Variants in MCPH1 observed in about 807,000 individuals in gnomAD.
MCPH1 encodes the protein microcephalin 1, also known as microcephalin.
Under a neutral mutation model 84.5 loss-of-function variants are expected in MCPH1, and 104 were observed. That is an observed-to-expected ratio of 1.23 (90% CI 1.05 to 1.45). The LOEUF (loss-of-function observed/expected upper bound fraction) is 1.45, where lower values mean the gene tolerates loss of function less well. Ranked by LOEUF, MCPH1 falls within the 40% of genes most tolerant of loss-of-function variation. The pLI is 0.00. For synonymous variants in MCPH1, 514 were observed against 366.8 expected, an observed-to-expected ratio of 1.40 and a Z score of -4.58; for missense variants, 1,498 against 1,005.7, an observed-to-expected ratio of 1.49 and a Z score of -6.62.
intron 11 of MCPH1, among the ~76,000 whole-genome samples, chr8:6,487,659 A>G (rs755939358): frequency 1.3e-5 from 2 of 152,218 alleles, no homozygotes; most frequent in African/African-American, 2.4e-5. Context: ...GGTGCCCTTC[A>G]GGTCTCTCTG....
intron 12 of MCPH1, among the ~76,000 whole-genome samples, chr8:6,543,093 A>AC (rs1047509349): frequency 1.7e-4 from 26 of 150,978 alleles, no homozygotes; most frequent in African/African-American, 6.3e-4. Flanking sequence ...CTGGACAGAA[A>AC]CCCCCGCAAC....
chr8:6,414,048 C>T (rs1798903979), intron 2 of MCPH1, among the ~76,000 whole-genome samples: 1 of 152,180 alleles, frequency 6.6e-6, no homozygotes, highest in African/African-American at 2.4e-5. Context: ...CCACCACACC[C>T]AGTTTCCTTT....
intron 8 of MCPH1, among the ~76,000 whole-genome samples, chr8:6,453,819 G>T (rs948436619): frequency 5.3e-5 from 8 of 152,178 alleles, no homozygotes; most frequent in African/African-American, 1.7e-4. Flanking sequence ...GATACCTGAG[G>T]AGGTACGGGA....
At chr8:6,642,743 A>G in intron 13 of MCPH1, 1 of 549,750 alleles carries the variant, frequency 1.8e-6, no homozygotes, top group Non-Finnish European at 3.3e-6. Context: ...CCCTGCATCT[A>G]ATGGGACATG....
At chr8:6,488,526 C>T (rs1167567450) in intron 11 of MCPH1, among the ~76,000 whole-genome samples, 1 of 152,146 alleles carries the variant, frequency 6.6e-6, no homozygotes, top group Admixed American at 6.5e-5. Context: ...TCACCATTTT[C>T]AAATTTTTAC....
At chr8:6,552,560 A>G (rs920318156) in intron 12 of MCPH1, among the ~76,000 whole-genome samples, 11 of 152,352 alleles carry the variant, frequency 7.2e-5, no homozygotes, top group African/African-American at 2.4e-4. Context: ...TGTGAGATAT[A>G]GTATAGATCT....
intron 3 of MCPH1, among the ~76,000 whole-genome samples, chr8:6,415,748 A>G (rs749900453): frequency 1.1e-4 from 16 of 152,110 alleles, no homozygotes; most frequent in Admixed American, 6.5e-4. Context: ...TTGTTTGGCT[A>G]TTTTGATTTG....
chr8:6,483,139 G>A (rs12680048), intron 11 of MCPH1, among the ~76,000 whole-genome samples: 16,058 of 152,178 alleles, frequency 0.11, 943 homozygotes, highest in East Asian at 0.2. Context: ...CAGGATCTGT[G>A]TGCTGAAAAC....
intron 12 of MCPH1, among the ~76,000 whole-genome samples, chr8:6,523,465 C>T (rs936992106): frequency 6.6e-6 from 1 of 152,148 alleles, no homozygotes; most frequent in Admixed American, 6.5e-5. Context: ...AAAAATAGTT[C>T]CTGTCCATTA....
chr8:6,572,480 G>T (rs969197476), intron 12 of MCPH1, among the ~76,000 whole-genome samples: 3 of 152,158 alleles, frequency 2.0e-5, no homozygotes, highest in African/African-American at 7.2e-5. Context: ...GGAAATGATA[G>T]GTAATTTAGG....
chr8:6,512,625 C>T (rs1396927868), intron 12 of MCPH1, among the ~76,000 whole-genome samples: 1 of 152,180 alleles, frequency 6.6e-6, no homozygotes, highest in Admixed American at 6.5e-5. Flanking sequence ...TTTCGGAGTG[C>T]CTCTATGTGC....
At chr8:6,428,985 G>A (rs1375091132) in intron 3 of MCPH1, among the ~76,000 whole-genome samples, 1 of 152,180 alleles carries the variant, frequency 6.6e-6, no homozygotes, top group African/African-American at 2.4e-5. Flanking sequence ...TTTCTGATAG[G>A]GAAGTGAGAA....
chr8:6,458,054 A>T (rs2515578), intron 9 of MCPH1, among the ~76,000 whole-genome samples: 146,173 of 152,288 alleles, frequency 0.96, 70,435 homozygotes, highest in East Asian at 1. Context: ...TGGAAACTAC[A>T]GCCTTGGGAC....
At chr8:6,483,555 A>C (rs1338435018) in intron 11 of MCPH1, among the ~76,000 whole-genome samples, 2 of 152,200 alleles carry the variant, frequency 1.3e-5, no homozygotes, top group Admixed American at 6.5e-5. Flanking sequence ...TCAGTGGAGA[A>C]ATTCAGTCTT....
chr8:6,540,422 C>A (rs1821330924), intron 12 of MCPH1, among the ~76,000 whole-genome samples: 1 of 152,164 alleles, frequency 6.6e-6, no homozygotes, highest in Non-Finnish European at 1.5e-5. Context: ...TTGGGCATTT[C>A]ATATGCAAAA....
intron 9 of MCPH1, among the ~76,000 whole-genome samples, chr8:6,456,412 G>C (rs2920669): frequency 0.29 from 43,623 of 152,062 alleles, 8,755 homozygotes; most frequent in African/African-American, 0.57. Flanking sequence ...TTGCGTCCCA[G>C]TTTCTCAGTC....
intron 13 of MCPH1, among the ~76,000 whole-genome samples, chr8:6,636,583 G>A (rs867500056): frequency 2.0e-5 from 3 of 152,160 alleles, no homozygotes; most frequent in Admixed American, 6.5e-5. Context: ...GGCCTCAAGC[G>A]ATCTTCCCAC....
At chr8:6,472,990 G>A (rs1019878538) in intron 9 of MCPH1, among the ~76,000 whole-genome samples, 3 of 152,078 alleles carry the variant, frequency 2.0e-5, no homozygotes, top group African/African-American at 4.8e-5. Context: ...TAAGAGACAC[G>A]ATTTCTTGAA....
chr8:6,435,550 C>T (rs767035714), intron 4 of MCPH1, among the ~76,000 whole-genome samples: 3 of 152,262 alleles, frequency 2.0e-5, no homozygotes, highest in African/African-American at 4.8e-5. Flanking sequence ...ATGGATTATG[C>T]CATCAGGTGT....
Sources: gnomAD v4.1 joint callset for allele counts (sites outside exome capture counted in the v4.1 genomes callset) on GRCh38, gnomAD v4.1.1 for gene constraint, MANE v1.5 for transcripts, NCBI Gene and HGNC (gene_info 2026-07-23, HGNC 2026-07-21) for gene names.